Variants in IL23R observed in about 807,000 individuals in gnomAD.
IL23R encodes interleukin 23 receptor.
In IL23R, 34 loss-of-function variants were observed where a neutral mutation model predicts 56.9. That is an observed-to-expected ratio of 0.60 (90% confidence interval 0.45 to 0.80). The LOEUF is 0.80. IL23R is among the 30% of genes least tolerant of loss of function. IL23R has a pLI of 0.00. For synonymous variants in IL23R, 230 were observed against 249.2 expected (o/e 0.92, Z 0.73); for missense variants, 635 against 730.0 (o/e 0.87, Z 1.50).
At chr1:67,206,572 A>G (rs1475969180) in intron 5 of IL23R, among the ~76,000 whole-genome samples, 1 of 151,926 alleles carries the variant, frequency 6.6e-6, no homozygotes, top group Non-Finnish European at 1.5e-5. Flanking sequence ...TAGCTCCTTT[A>G]TCTCATTTTT....
At chr1:67,182,774 G>A (rs1558232552) in intron 3 of IL23R, 62 bp from the exon 4 acceptor site, 2 of 1,602,324 alleles carry the variant, frequency 1.2e-6, no homozygotes, top group East Asian at 2.2e-5. Flanking sequence ...AGCCATCTTG[G>A]CTTGGGACCA....
At chr1:67,187,435 C>G (rs1647420636) in intron 4 of IL23R, among the ~76,000 whole-genome samples, 1 of 152,118 alleles carries the variant, frequency 6.6e-6, no homozygotes, top group East Asian at 1.9e-4. Context: ...TATTTAGTAT[C>G]ATAAAAATAT....
chr1:67,169,738 T>A (rs1193802621), intron 3 of IL23R, 100 bp downstream of exon 3: 1 of 1,160,024 alleles, frequency 8.6e-7, no homozygotes, highest in African/African-American at 1.5e-5. Context: ...ATAATATAGT[T>A]CAGTTTTTAG....
chr1:67,191,801 A>G (rs904512336), intron 4 of IL23R, among the ~76,000 whole-genome samples: 3 of 152,310 alleles, frequency 2.0e-5, no homozygotes, highest in African/African-American at 7.2e-5. Context: ...AACATTTACT[A>G]TCCGAGCATT....
chr1:67,243,447 T>C (rs1035614791), intron 9 of IL23R, among the ~76,000 whole-genome samples: 1 of 152,128 alleles, frequency 6.6e-6, no homozygotes, highest in African/African-American at 2.4e-5. Flanking sequence ...CTCCTAATGC[T>C]ATCCCTCCCC....
intron 9 of IL23R, among the ~76,000 whole-genome samples, chr1:67,255,542 G>A (rs986534058): frequency 6.6e-5 from 10 of 151,944 alleles, no homozygotes; most frequent in African/African-American, 1.7e-4. Context: ...AGGCTCAAGC[G>A]ATCTTTCCAC....
chr1:67,242,673 G>T (rs1651928807), intron 9 of IL23R, among the ~76,000 whole-genome samples: 1 of 152,156 alleles, frequency 6.6e-6, no homozygotes, highest in Admixed American at 6.6e-5. Flanking sequence ...TGGATGGCAA[G>T]GACAGTCTTT....
intron 5 of IL23R, among the ~76,000 whole-genome samples, chr1:67,204,220 C>CAA (rs1472314185): frequency 2.6e-5 from 4 of 152,098 alleles, no homozygotes; most frequent in Non-Finnish European, 5.9e-5. Flanking sequence ...CCAGCCACCT[C>CAA]GCCCCGCTAA....
chr1:67,177,077 T>C (rs1257725954), intron 3 of IL23R, among the ~76,000 whole-genome samples: 7 of 152,232 alleles, frequency 4.6e-5, no homozygotes, highest in African/African-American at 1.7e-4. Flanking sequence ...ACAATAAACA[T>C]ACGTGTGCAT....
At chr1:67,154,796 T>G (rs753615104) in intron 1 of IL23R, among the ~76,000 whole-genome samples, 2 of 152,168 alleles carry the variant, frequency 1.3e-5, no homozygotes, top group Non-Finnish European at 2.9e-5. Context: ...ACATTTAAAG[T>G]TAATATTGTT....
At chr1:67,190,361 CAG>C (rs1427016235) in intron 4 of IL23R, among the ~76,000 whole-genome samples, 3 of 150,794 alleles carry the variant, frequency 2.0e-5, no homozygotes, top group African/African-American at 4.9e-5. Context: ...CCTCACCAGA[CAG>C]AGCCTCCTGG....
At chr1:67,242,334 A>C (rs1179965169) in intron 9 of IL23R, among the ~76,000 whole-genome samples, 1 of 152,208 alleles carries the variant, frequency 6.6e-6, no homozygotes, top group Non-Finnish European at 1.5e-5. Flanking sequence ...TCCATGTATA[A>C]GGCTGGCTGC....
intron 1 of IL23R, among the ~76,000 whole-genome samples, chr1:67,157,644 G>A (rs1167776764): frequency 6.6e-6 from 1 of 152,112 alleles, no homozygotes; most frequent in African/African-American, 2.4e-5. Context: ...AAATGCTCTT[G>A]TCCAAATTAA....
chr1:67,255,418 G>A (rs569965233), intron 9 of IL23R, among the ~76,000 whole-genome samples: 2 of 152,080 alleles, frequency 1.3e-5, no homozygotes, highest in East Asian at 1.9e-4. Flanking sequence ...CTTTAGCCTC[G>A]GCATCAGGAA....
intron 9 of IL23R, among the ~76,000 whole-genome samples, chr1:67,253,170 G>T (rs1652743042): frequency 1.3e-5 from 2 of 152,128 alleles, no homozygotes; most frequent in Admixed American, 1.3e-4. Flanking sequence ...TTTTAAATTT[G>T]TCAATTCCTT....
At chr1:67,180,374 T>C (rs1411176735) in intron 3 of IL23R, among the ~76,000 whole-genome samples, 1 of 152,170 alleles carries the variant, frequency 6.6e-6, no homozygotes, top group Non-Finnish European at 1.5e-5. Context: ...CATTATGTAA[T>C]GGCCTTTTTT....
At position 67,139,632 on chromosome 1, in the gene IL23R, T is replaced by A. The variant is rs558160071; in HGVS notation, c.-634+471T>A. Among the ~76,000 whole-genome samples, 303 of 152,320 alleles carry A rather than the reference T, an allele frequency of 2.0e-3. 3 individuals carry two copies. Among genetic ancestry groups the A allele is most frequent in the Non-Finnish European group, 2.2e-3 (151 of 68,032 alleles). ...TTCATTTGTATAGCATCTGCTACAGTTTGAATATTTGTCCCCTCCGAAAGT... is the reference window on the plus strand; with the variant it reads ...TTCATTTGTATAGCATCTGCTACAGATTGAATATTTGTCCCCTCCGAAAGT... On this transcript the variant is annotated intron_variant, in intron 1 of 10. Coordinates refer to the IL23R transcript ENST00000637002.
Position 67,146,880 on chromosome 1 carries a change from C to T in IL23R, c.-634+7719C>T, listed in dbSNP as rs146344233. Reference sequence around the variant, plus strand: ...CTTCTTGGAGAAATTGCTCTTCCCCCTTTCCAAGTAGTTGTGGTTGGACTG... The same window carrying T: ...CTTCTTGGAGAAATTGCTCTTCCCCTTTTCCAAGTAGTTGTGGTTGGACTG... On this transcript the variant is annotated intron_variant, in intron 1 of 10. Coordinates refer to the IL23R transcript ENST00000637002. 1.8e-4 allele frequency among the ~76,000 whole-genome samples: 28 copies of T among 152,312 alleles called. 1 individual carries two copies. In the East Asian group the frequency reaches 4.4e-3, roughly 24 times the overall value.
At chr1:67,181,138 C>G (rs1184313007) in intron 3 of IL23R, among the ~76,000 whole-genome samples, 3 of 152,080 alleles carry the variant, frequency 2.0e-5, no homozygotes, top group Non-Finnish European at 4.4e-5. Flanking sequence ...GTGGCGTTCT[C>G]TGTATTTCCT....
Sources: allele counts gnomAD v4.1 joint callset (sites outside exome capture counted in the v4.1 genomes callset), GRCh38; gene constraint gnomAD v4.1.1; transcripts MANE v1.5; gene names NCBI Gene and HGNC (gene_info 2026-07-23, HGNC 2026-07-21).